Variants in AGTR1 observed in about 807,000 individuals in gnomAD.
The protein encoded by AGTR1 is angiotensin II receptor type 1.
A neutral mutation model predicts 19.4 loss-of-function variants in AGTR1; 16 were observed. The observed-to-expected ratio is 0.82, with a 90% CI of 0.56 to 1.25. The LOEUF is 1.25. Among genes scored for constraint, AGTR1 ranks in the 50% most tolerant of loss-of-function variants. The pLI is 0.00. For missense variants in AGTR1, 373 were observed against 431.9 expected (o/e 0.86, Z 1.21); for synonymous variants, 153 against 154.9 (o/e 0.99, Z 0.09).
At chr3:148,731,667 A>G (rs1714264057) in intron 2 of AGTR1, among the ~76,000 whole-genome samples, 2 of 152,214 alleles carry the variant, frequency 1.3e-5, no homozygotes, top group Admixed American at 6.5e-5. Context: ...ATCTTGTAAT[A>G]TTTAAAGGAA....
At chr3:148,734,759 G>A (rs562178562) in intron 2 of AGTR1, among the ~76,000 whole-genome samples, 78 of 152,252 alleles carry the variant, frequency 5.1e-4, no homozygotes, top group African/African-American at 1.7e-3. Flanking sequence ...GCCCCATGGT[G>A]CCAGGTGGTC....
intron 2 of AGTR1, among the ~76,000 whole-genome samples, chr3:148,725,911 A>G (rs577214184): frequency 3.2e-4 from 49 of 152,308 alleles, no homozygotes; most frequent in African/African-American, 1.2e-3. Flanking sequence ...CTGAATATAT[A>G]TCTCTTGGTC....
chr3:148,713,192 C>T (rs1200107234), intron 2 of AGTR1, among the ~76,000 whole-genome samples: 3 of 152,146 alleles, frequency 2.0e-5, no homozygotes, highest in Non-Finnish European at 2.9e-5. Context: ...ATCTGTGTGA[C>T]CTATTTTGCA....
rs1714974682 is a variant in AGTR1 at position 148,742,485 on chromosome 3, A to G, written c.*370A>G. On this transcript the variant is annotated 3_prime_UTR_variant, in exon 3 of 3. Transcript: ENST00000349243. ...TTAGAATATATTAAATCGTTAGAGG[A>G]GCAACAGGAGATGAGAGTTCCAGAT... 1 of 369,002 alleles carries G rather than the reference A, an allele frequency of 2.7e-6. No individual in the cohort carries two copies. Among genetic ancestry groups the G allele is most frequent in the Non-Finnish European group, 5.5e-6 (1 of 183,436 alleles). The allele number at this position is 369,002 out of a possible 1,614,324, so 22.9% of individuals were successfully genotyped here.
At chr3:148,711,692 T>C (rs1279778419) in intron 2 of AGTR1, among the ~76,000 whole-genome samples, 1 of 152,168 alleles carries the variant, frequency 6.6e-6, no homozygotes, top group Non-Finnish European at 1.5e-5. Context: ...AGCACATAAC[T>C]CTATAGAAAA....
chr3:148,719,651 A>C (rs897722527), intron 2 of AGTR1, among the ~76,000 whole-genome samples: 1 of 152,164 alleles, frequency 6.6e-6, no homozygotes, highest in African/African-American at 2.4e-5. Flanking sequence ...TTTAGTCTAC[A>C]TGAGAGGGAA....
chr3:148,732,482 C>T (rs190708549), intron 2 of AGTR1, among the ~76,000 whole-genome samples: 75 of 152,222 alleles, frequency 4.9e-4, no homozygotes, highest in African/African-American at 1.6e-3. Context: ...CTTGAGTAAA[C>T]AGTAAATTTT....
At chr3:148,736,559 G>T (rs542991427) in intron 2 of AGTR1, among the ~76,000 whole-genome samples, 1 of 152,242 alleles carries the variant, frequency 6.6e-6, no homozygotes, top group Admixed American at 6.5e-5. Context: ...GATATACCAA[G>T]TGCTTTAACA....
chr3:148,726,422 T>A (rs918439477), intron 2 of AGTR1, among the ~76,000 whole-genome samples: 3 of 152,186 alleles, frequency 2.0e-5, no homozygotes, highest in Non-Finnish European at 4.4e-5. Context: ...CTGGCCAGGC[T>A]GGTCTCGAGC....
intron 2 of AGTR1, among the ~76,000 whole-genome samples, chr3:148,737,877 T>C (rs1400748096): frequency 2.6e-5 from 4 of 152,144 alleles, no homozygotes; most frequent in Admixed American, 2.6e-4. Context: ...CACCGAAGTT[T>C]CCAGGGATGA....
chr3:148,740,015 A>G (rs1714782599), intron 2 of AGTR1: 6 of 1,205,062 alleles, frequency 5.0e-6, no homozygotes, highest in East Asian at 3.2e-5. Context: ...ATGGACTGTT[A>G]TCCAGGGCAG....
intron 1 of AGTR1, among the ~76,000 whole-genome samples, chr3:148,703,672 G>A (rs1269367421): frequency 2.0e-5 from 3 of 152,132 alleles, no homozygotes; most frequent in East Asian, 1.9e-4. Context: ...CAGTCGAGAT[G>A]TAAACATAAG....
At chr3:148,710,831 C>T (rs991472004) in intron 2 of AGTR1, among the ~76,000 whole-genome samples, 2 of 152,074 alleles carry the variant, frequency 1.3e-5, no homozygotes, top group Non-Finnish European at 2.9e-5. Context: ...AGGCGGATCT[C>T]TCATGAATGG....
chr3:148,732,580 C>T (rs1576536991), intron 2 of AGTR1, among the ~76,000 whole-genome samples: 1 of 151,978 alleles, frequency 6.6e-6, no homozygotes, highest in East Asian at 1.9e-4. Context: ...ATTTAGATAG[C>T]TGATTTAACA....
At chr3:148,725,893 T>G (rs1207970615) in intron 2 of AGTR1, among the ~76,000 whole-genome samples, 1 of 152,234 alleles carries the variant, frequency 6.6e-6, no homozygotes, top group Non-Finnish European at 1.5e-5. Flanking sequence ...TTTTTAAGAT[T>G]CTAGGTGCTG....
At chr3:148,738,447 C>A (rs1180141072) in intron 2 of AGTR1, among the ~76,000 whole-genome samples, 1 of 151,920 alleles carries the variant, frequency 6.6e-6, no homozygotes, top group African/African-American at 2.4e-5. Context: ...CATTAAGCCA[C>A]AAATGACTGC....
At chr3:148,726,414 G>A (rs976166350) in intron 2 of AGTR1, among the ~76,000 whole-genome samples, 3 of 152,038 alleles carry the variant, frequency 2.0e-5, no homozygotes, top group Admixed American at 6.6e-5. Flanking sequence ...TCACCATGCT[G>A]GCCAGGCTGG....
At chr3:148,705,725 A>G (rs910495387) in intron 1 of AGTR1, among the ~76,000 whole-genome samples, 2 of 151,138 alleles carry the variant, frequency 1.3e-5, no homozygotes, top group Admixed American at 6.6e-5. Context: ...TGTAATATAT[A>G]ATTTATATAT....
rs1426107437 is a variant in AGTR1, at chr3:148,716,037, C to A, written c.-48+8010C>A. On this transcript the variant is annotated intron_variant, in intron 2 of 2. Transcript: ENST00000349243. This position sits in a 1 kb window ranked among gnomAD's most constrained non-coding sequence, Gnocchi z 4.7. The stretch of plus-strand genomic sequence containing the variant: ...TGCTATGCAACAGTGGCACTTACCC[C>A]CAAACCGTATCCTATGGAAATGCCT... 6.6e-6 allele frequency among the ~76,000 whole-genome samples: 1 copy of A among 152,256 alleles called. No individual in the cohort carries two copies. Among genetic ancestry groups the A allele is most frequent in the Non-Finnish European group, 1.5e-5 (1 of 68,028 alleles).
Sources: allele counts gnomAD v4.1 joint callset (sites outside exome capture counted in the v4.1 genomes callset), GRCh38; gene constraint gnomAD v4.1.1; non-coding constraint Gnocchi (gnomAD v3.1); transcripts MANE v1.5; gene names NCBI Gene and HGNC (gene_info 2026-07-23, HGNC 2026-07-21).